ZNF680: variants seen among roughly 807,000 people sequenced by gnomAD.
The protein encoded by ZNF680 is hypothetical protein FLJ90430.
A neutral mutation model predicts 12.1 loss-of-function variants in ZNF680; 6 were observed. The observed-to-expected ratio is 0.49, with a 90% CI of 0.27 to 0.98. ZNF680 has a LOEUF of 0.98. Ranked by LOEUF, ZNF680 falls within the 50% of genes least tolerant of loss-of-function variation. The pLI is 0.12. For synonymous variants in ZNF680, 170 were observed against 199.3 expected, an observed-to-expected ratio of 0.85 and a Z score of 1.24; for missense variants, 561 against 616.3, an observed-to-expected ratio of 0.91 and a Z score of 0.95.
At chr7:64,532,481 A>G (rs576480295) in intron 3 of ZNF680, among the ~76,000 whole-genome samples, 2 of 152,150 alleles carry the variant, frequency 1.3e-5, no homozygotes, top group East Asian at 3.9e-4. Context: ...TAAAAATAAA[A>G]CCCTCCTACC....
At position 64,562,935 on chromosome 7, in the gene ZNF680, C is replaced by T. The variant is rs760078686; in HGVS notation, c.20G>A (p.Ser7Asn). MPGPPG[S>N]LEMGPLTFRD... ...GGACCGCACTCTCACCATTTCTAGG[C>T]TTCCAGGTGGTCCTGGCATCTTAGC... is the stretch of plus-strand genomic sequence containing the variant. Residue 7 changes from serine (S) to asparagine (N), a missense_variant, in exon 1 of 4, where the codon AGC becomes AAC. Ser to Asn is a conservative substitution (Grantham distance 46). Coordinates refer to ENST00000309683, the MANE Select transcript of ZNF680 (RefSeq NM_178558.5). 1.2e-6 allele frequency: 2 copies of T among 1,613,888 alleles called. No individual in the cohort carries two copies. The highest frequency in any genetic ancestry group is 1.1e-5 in the South Asian group (1 of 91,084).
intron 3 of ZNF680, among the ~76,000 whole-genome samples, chr7:64,539,349 CT>C (rs1204671838): frequency 2.3e-4 from 7 of 29,908 alleles, no homozygotes; most frequent in East Asian, 6.3e-4. Context: ...AAAACTTCGT[CT>C]CAAAAAAAAA....
At position 64,546,978 on chromosome 7, in the gene ZNF680, TAAAAC is replaced by T. The variant is rs745614293; in HGVS notation, c.31-2551_31-2547del. On this transcript the variant is annotated intron_variant, in intron 1 of 3. Transcript: ENST00000309683. Reference sequence around the variant, plus strand: ...TTTTGAGTCACATGAGGCCCTTACTTAAAACAATACGGATGCTTCCACCAAGAACA... The same window carrying T: ...TTTTGAGTCACATGAGGCCCTTACTTAATACGGATGCTTCCACCAAGAACA... Among the ~76,000 whole-genome samples the T allele has an allele frequency of 1.7e-4, 26 of 152,190 alleles. 1 individual carries two copies. In the East Asian group the frequency reaches 3.7e-3, roughly 22 times the overall value.
chr7:64,548,875 C>A (rs989640911), intron 1 of ZNF680, among the ~76,000 whole-genome samples: 1 of 151,982 alleles, frequency 6.6e-6, no homozygotes, highest in Non-Finnish European at 1.5e-5. Flanking sequence ...GTAATCCAAG[C>A]GCTTTGGGAG....
chr7:64,506,231 G>C, the ZNF680 span, among the ~76,000 whole-genome samples: 33,345 of 141,246 alleles, frequency 0.24, 3,963 homozygotes, highest in South Asian at 0.29. Flanking sequence ...GAGTCTTGCT[G>C]TGTTGCCCAG....
intron 1 of ZNF680, among the ~76,000 whole-genome samples, chr7:64,551,218 C>T (rs1029565140): frequency 2.0e-5 from 3 of 152,130 alleles, no homozygotes; most frequent in African/African-American, 7.2e-5. Flanking sequence ...GGTAGTTGTG[C>T]AATATAAAAC....
At chr7:64,515,413 A>G (rs1006560613), downstream of ZNF680, among the ~76,000 whole-genome samples, 1 of 152,090 alleles carries the variant, frequency 6.6e-6, no homozygotes, top group African/African-American at 2.4e-5. Flanking sequence ...AAAAAATCCA[A>G]TGCCTAATCT....
chr7:64,558,560 AGGGCCCTGGAAATCTGG>A (rs1182724048), intron 1 of ZNF680, among the ~76,000 whole-genome samples: 1 of 152,184 alleles, frequency 6.6e-6, no homozygotes, highest in Non-Finnish European at 1.5e-5. Context: ...GAAAAGCTAC[AGGGCCCTGGAAATCTGG>A]GGACCCACAG....
chr7:64,562,268 GT>G (rs1478523376), intron 1 of ZNF680, among the ~76,000 whole-genome samples: 1 of 150,898 alleles, frequency 6.6e-6, no homozygotes, highest in Non-Finnish European at 1.5e-5. Context: ...CAAATACATT[GT>G]TTTTTGTAAA....
Position 64,522,166 on chromosome 7 carries a change from A to G in ZNF680, c.588T>C (p.His196=), listed in dbSNP as rs969408482. ...ECGKSFCMLS[H]LTQHIRIHTR... ...TGTGAATTCTTATATGTTGTGTTAG[A>G]TGTGAAAGCATGCAAAATGATTTGC... The change falls in exon 4 of 4, where the codon CAT becomes CAC. Residue 196 remains histidine, a synonymous_variant. Coordinates refer to ENST00000309683, the MANE Select transcript of ZNF680 (RefSeq NM_178558.5). 5.0e-6 allele frequency: 8 copies of G among 1,612,798 alleles called. No homozygotes were observed. The African/African-American group carries it at 1.1e-4, about 22-fold the overall frequency.
At chr7:64,501,548 GA>G in the ZNF680 span, 2 of 762,226 alleles carry the variant, frequency 2.6e-6, no homozygotes, top group Non-Finnish European at 2.4e-6. Context: ...GCTCAGTGAA[GA>G]AAAATGAGAT....
chr7:64,525,880 A>G (rs1300615807), intron 3 of ZNF680: 1 of 985,070 alleles, frequency 1.0e-6, no homozygotes, highest in Admixed American at 6.2e-5. Flanking sequence ...CCAGAAATAT[A>G]CAAGTCATAA....
intron 3 of ZNF680, among the ~76,000 whole-genome samples, chr7:64,524,058 C>G (rs1791697498): frequency 1.3e-5 from 2 of 150,458 alleles, no homozygotes; most frequent in Non-Finnish European, 3.0e-5. Flanking sequence ...AAGAAGAGGT[C>G]AAAATATTAC....
intron 3 of ZNF680, among the ~76,000 whole-genome samples, chr7:64,536,281 G>T (rs1276082918): frequency 6.6e-6 from 1 of 152,180 alleles, no homozygotes; most frequent in East Asian, 1.9e-4. Context: ...GAATAGCTAA[G>T]AGTGGATGAT....
the ZNF680 span, among the ~76,000 whole-genome samples, chr7:64,505,809 C>G: frequency 6.6e-6 from 1 of 150,546 alleles, no homozygotes. Flanking sequence ...TCCTTCTGTC[C>G]TCTCTACTGG....
At chr7:64,531,045 A>G (rs547119649) in intron 3 of ZNF680, among the ~76,000 whole-genome samples, 9 of 152,236 alleles carry the variant, frequency 5.9e-5, no homozygotes, top group African/African-American at 1.9e-4. Context: ...GGGAATTTCA[A>G]TAGTCCACTG....
At chr7:64,554,100 G>A (rs1787248905) in intron 1 of ZNF680, among the ~76,000 whole-genome samples, 1 of 151,092 alleles carries the variant, frequency 6.6e-6, no homozygotes, top group East Asian at 2.0e-4. Flanking sequence ...GGGAAGTGAG[G>A]AGCGCCTCTT....
chr7:64,536,787 A>T (rs1388945545), intron 3 of ZNF680, among the ~76,000 whole-genome samples: 1 of 152,218 alleles, frequency 6.6e-6, no homozygotes, highest in Admixed American at 6.5e-5. Flanking sequence ...TAACAATAAC[A>T]ACTGGGTGCA....
chr7:64,516,659 A>G (rs902424915), downstream of ZNF680, among the ~76,000 whole-genome samples: 8 of 152,142 alleles, frequency 5.3e-5, no homozygotes, highest in African/African-American at 1.9e-4. Flanking sequence ...AAAAACCACA[A>G]ACTATGCATT....
Sources: gnomAD v4.1 joint callset for allele counts (sites outside exome capture counted in the v4.1 genomes callset) on GRCh38, gnomAD v4.1.1 for gene constraint, MANE v1.5 for transcripts, NCBI Gene and HGNC (gene_info 2026-07-23, HGNC 2026-07-21) for gene names.